Variants in CTCF observed in about 807,000 individuals in gnomAD.
CTCF encodes CCCTC-binding factor, also known as transcriptional repressor CTCF.
Under a neutral mutation model 72.3 loss-of-function variants are expected in CTCF, and 7 were observed. The observed-to-expected ratio is 0.10, with a 90% CI of 0.06 to 0.18. The LOEUF is 0.18. CTCF is among the 10% of genes least tolerant of loss of function. The pLI is 1.00. For synonymous variants in CTCF, 374 were observed against 315.8 expected, an observed-to-expected ratio of 1.18 and a Z score of -1.95; for missense variants, 516 against 949.1, an observed-to-expected ratio of 0.54 and a Z score of 6.00.
intron 2 of CTCF, among the ~76,000 whole-genome samples, chr16:67,596,556 C>A (rs966558344): frequency 5.3e-5 from 8 of 151,666 alleles, no homozygotes; most frequent in Admixed American, 3.3e-4. Context: ...ATGTTTTTGT[C>A]ATACATAATT....
At chr16:67,573,262 A>G (rs905158801) in intron 2 of CTCF, among the ~76,000 whole-genome samples, 5 of 150,448 alleles carry the variant, frequency 3.3e-5, no homozygotes, top group African/African-American at 4.9e-5. Flanking sequence ...AACAACAAAA[A>G]AAACCCCAAG....
chr16:67,585,866 G>T (rs535504801), intron 2 of CTCF, among the ~76,000 whole-genome samples: 2 of 151,992 alleles, frequency 1.3e-5, no homozygotes, highest in South Asian at 2.1e-4. Context: ...AGTGACTCTT[G>T]GTTTGTAATT....
At chr16:67,637,014 T>C (rs1035865195) in intron 11 of CTCF, among the ~76,000 whole-genome samples, 163 bp downstream of exon 11, 2 of 152,140 alleles carry the variant, frequency 1.3e-5, no homozygotes, top group African/African-American at 4.8e-5. Context: ...GAGTTTTTAC[T>C]GAGGAACATC....
At chr16:67,563,760 C>T (rs1327837223) in intron 1 of CTCF, 2 of 152,236 alleles carry the variant, frequency 1.3e-5, no homozygotes, top group African/African-American at 4.8e-5. Context: ...GGAGTATGGG[C>T]TAAGTCCCTT....
chr16:67,566,982 C>A (rs931363657), intron 1 of CTCF, among the ~76,000 whole-genome samples: 2 of 151,970 alleles, frequency 1.3e-5, no homozygotes, highest in African/African-American at 4.8e-5. Context: ...CTCAAATGAT[C>A]CTGCCACCTC....
At chr16:67,592,662 G>T (rs766113275) in intron 2 of CTCF, among the ~76,000 whole-genome samples, 8 of 152,206 alleles carry the variant, frequency 5.3e-5, no homozygotes, top group Admixed American at 2.0e-4. Context: ...CCAAGATCGT[G>T]CCACTGCACT....
At chr16:67,599,001 A>G (rs1347771157) in intron 2 of CTCF, among the ~76,000 whole-genome samples, 1 of 152,246 alleles carries the variant, frequency 6.6e-6, no homozygotes, top group Admixed American at 6.5e-5. Context: ...GAAAAAAGAG[A>G]TGACAGATAC....
chr16:67,631,178 T>G (rs1002922393), intron 10 of CTCF, among the ~76,000 whole-genome samples: 9 of 149,968 alleles, frequency 6.0e-5, no homozygotes, highest in South Asian at 2.1e-4. Flanking sequence ...TTTTGTTTTT[T>G]TTTTGAGACA....
chr16:67,631,165 G>GTTTTTTTTTTTTTTT (rs931210083), intron 10 of CTCF, among the ~76,000 whole-genome samples: 1 of 131,128 alleles, frequency 7.6e-6, no homozygotes, highest in African/African-American at 3.1e-5. Context: ...TTTTTTTTTT[G>GTTTTTTTTTTTTTTT]TTTTTTGTTT....
At chr16:67,603,105 G>C (rs2051918799) in intron 2 of CTCF, among the ~76,000 whole-genome samples, 1 of 151,946 alleles carries the variant, frequency 6.6e-6, no homozygotes, top group Non-Finnish European at 1.5e-5. Flanking sequence ...GTAAATGTAA[G>C]ATATAGCTGG....
intron 9 of CTCF, among the ~76,000 whole-genome samples, chr16:67,628,787 G>T (rs1374341523): frequency 6.6e-6 from 1 of 152,200 alleles, no homozygotes; most frequent in Non-Finnish European, 1.5e-5. Flanking sequence ...CTGGCCAGGC[G>T]CGGTGGCTCG....
At chr16:67,618,018 A>G (rs1454441013) in intron 5 of CTCF, among the ~76,000 whole-genome samples, 1 of 152,192 alleles carries the variant, frequency 6.6e-6, no homozygotes, top group African/African-American at 2.4e-5. Flanking sequence ...AAACCATATT[A>G]TTTCTGTAGA....
At position 67,595,975 on chromosome 16, in the gene CTCF, GAC is replaced by G. The variant is rs1398506446; in HGVS notation, c.-9-14847_-9-14846del. Among the ~76,000 whole-genome samples, 3 of 149,648 alleles carry G rather than the reference GAC, an allele frequency of 2.0e-5. No individual in the cohort carries two copies. The East Asian group carries it at 5.9e-4, about 29-fold the overall frequency. On this transcript the variant is annotated intron_variant, in intron 2 of 11. Transcript: ENST00000264010. ...TCCTCTTTCTTTTCTTTTTTTTTGA[GAC>G]AGAGTCTCTCTCTGTAGCCAGGCTG... is the stretch of plus-strand genomic sequence containing the variant.
intron 2 of CTCF, among the ~76,000 whole-genome samples, chr16:67,577,637 G>A (rs1342347138): frequency 6.7e-6 from 1 of 149,818 alleles, no homozygotes; most frequent in Non-Finnish European, 1.5e-5. Context: ...AGTAGAGACG[G>A]GATTTCACTG....
chr16:67,620,067 C>T (rs1198031715), intron 5 of CTCF, among the ~76,000 whole-genome samples: 1 of 152,154 alleles, frequency 6.6e-6, no homozygotes. Context: ...CTCAGTAACA[C>T]AGGATTTGGA....
intron 2 of CTCF, among the ~76,000 whole-genome samples, chr16:67,610,350 C>CTTTTTTTTT (rs1158978403): frequency 4.4e-4 from 53 of 121,392 alleles, no homozygotes; most frequent in Non-Finnish European, 7.1e-4. Context: ...TTTTCTTTTT[C>CTTTTTTTTT]TTTTTTTTTT....
intron 2 of CTCF, among the ~76,000 whole-genome samples, chr16:67,576,859 T>C (rs994579159): frequency 5.9e-5 from 9 of 152,112 alleles, no homozygotes; most frequent in African/African-American, 2.2e-4. Context: ...AGCCATTATG[T>C]ATAAAAAATA....
intron 1 of CTCF, among the ~76,000 whole-genome samples, chr16:67,565,528 G>A (rs1437777678): frequency 6.6e-6 from 1 of 151,828 alleles, no homozygotes; most frequent in Non-Finnish European, 1.5e-5. Context: ...CAAAAAATTA[G>A]CCAGGCATGG....
At position 67,592,600 on chromosome 16, in the gene CTCF, G is replaced by A. The variant is rs529324744; in HGVS notation, c.-9-18224G>A. On this transcript the variant is annotated intron_variant, in intron 2 of 11. Transcript: ENST00000264010. The stretch of plus-strand genomic sequence containing the variant: ...TGCGCCTGTAGTCCCAGCCACTCGG[G>A]AGGCTGAGACATTAGAATTATTTGA... Among the ~76,000 whole-genome samples, 4 of 152,190 alleles carry A rather than the reference G, an allele frequency of 2.6e-5. No homozygotes were observed. In the South Asian group the frequency reaches 8.3e-4, roughly 32 times the overall value.
Sources: gnomAD v4.1 joint callset for allele counts (sites outside exome capture counted in the v4.1 genomes callset) on GRCh38, gnomAD v4.1.1 for gene constraint, MANE v1.5 for transcripts, NCBI Gene and HGNC (gene_info 2026-07-23, HGNC 2026-07-21) for gene names.